Variants in INVS observed in about 807,000 individuals in gnomAD.
The protein encoded by INVS is inversion of embryo turning homolog.
In INVS, 86 loss-of-function variants were observed where a neutral mutation model predicts 108.8. The ratio of observed to expected loss-of-function variants is 0.79; its 90% CI spans 0.66 to 0.95. The LOEUF is 0.95. Ranked by LOEUF, INVS falls within the 40% of genes least tolerant of loss-of-function variation. INVS has a pLI of 0.00. For synonymous variants in INVS, 455 were observed against 473.5 expected, an observed-to-expected ratio of 0.96 and a Z score of 0.51; for missense variants, 1,169 against 1,297.4, an observed-to-expected ratio of 0.90 and a Z score of 1.52.
chr9:100,124,558 A>C (rs1427132305), intron 2 of INVS, among the ~76,000 whole-genome samples: 2 of 151,396 alleles, frequency 1.3e-5, no homozygotes, highest in Admixed American at 6.6e-5. Context: ...AAAAAAAAAA[A>C]AAAACTAAAG....
At chr9:100,124,441 G>A (rs1038535476) in intron 2 of INVS, among the ~76,000 whole-genome samples, 1 of 151,550 alleles carries the variant, frequency 6.6e-6, no homozygotes, top group Non-Finnish European at 1.5e-5. Context: ...AAGAGGATAA[G>A]CCAGGCATGC....
intron 10 of INVS, among the ~76,000 whole-genome samples, chr9:100,259,155 C>T (rs953196613): frequency 6.6e-6 from 1 of 152,184 alleles, no homozygotes; most frequent in East Asian, 1.9e-4. Context: ...TGCTGCCTTG[C>T]AGTTCGATCT....
chr9:100,187,521 A>ATTTTTTTTTTTT (rs1830087780), intron 3 of INVS, among the ~76,000 whole-genome samples: 8 of 89,418 alleles, frequency 8.9e-5, no homozygotes, highest in African/African-American at 2.4e-4. Flanking sequence ...ATCATCTATG[A>ATTTTTTTTTTTT]TTTCTTTTTT....
At chr9:100,197,514 C>T (rs894246084) in intron 3 of INVS, among the ~76,000 whole-genome samples, 7 of 152,142 alleles carry the variant, frequency 4.6e-5, no homozygotes, top group African/African-American at 1.2e-4. Flanking sequence ...GTGGGGTGCA[C>T]CACCCTCCCA....
chr9:100,246,163 GAAAAAGA>G (rs1832041051), intron 7 of INVS, among the ~76,000 whole-genome samples: 1 of 147,474 alleles, frequency 6.8e-6, no homozygotes, highest in Non-Finnish European at 1.5e-5. Flanking sequence ...AAAAAAAAAA[GAAAAAGA>G]AAAAAGAAAA....
chr9:100,212,572 AC>A (rs1344489959), intron 3 of INVS, among the ~76,000 whole-genome samples: 2 of 151,998 alleles, frequency 1.3e-5, no homozygotes, highest in African/African-American at 4.8e-5. Flanking sequence ...GAAAAAAAAA[AC>A]AGAACTCAAA....
rs577456815 is a variant in INVS, at chr9:100,197,650, A to G, written c.274-28412A>G. Among the ~76,000 whole-genome samples the G allele has an allele frequency of 2.2e-4, 34 of 152,266 alleles. No individual in the cohort carries two copies. In the South Asian group the frequency reaches 2.7e-3, roughly 12 times the overall value. ...AGGCATGATTAACAACCATGTAGAA[A>G]TGTGATTGGGCCAAAAAGGTGTGAT... is the stretch of plus-strand genomic sequence containing the variant. On this transcript the variant is annotated intron_variant, in intron 3 of 16. Coordinates refer to ENST00000262457, the MANE Select transcript of INVS (RefSeq NM_014425.5).
intron 2 of INVS, among the ~76,000 whole-genome samples, chr9:100,111,336 G>A (rs764720863): frequency 1.3e-5 from 2 of 152,206 alleles, no homozygotes; most frequent in Non-Finnish European, 2.9e-5. Flanking sequence ...TAGAGTTGGC[G>A]CTCTGGTTTC....
At chr9:100,246,849 A>T in intron 8 of INVS, 62 bp downstream of exon 8, 1 of 1,439,058 alleles carries the variant, frequency 6.9e-7, no homozygotes. Context: ...AGATGTTGCT[A>T]TAAAATTTGT....
intron 3 of INVS, among the ~76,000 whole-genome samples, chr9:100,148,113 G>T (rs533927933): frequency 6.6e-6 from 1 of 151,996 alleles, no homozygotes; most frequent in African/African-American, 2.4e-5. Flanking sequence ...GTTTGAGGCT[G>T]TAGTGAGCTA....
At chr9:100,148,521 A>G (rs1828702492) in intron 3 of INVS, among the ~76,000 whole-genome samples, 2 of 152,312 alleles carry the variant, frequency 1.3e-5, no homozygotes, top group South Asian at 4.1e-4. Flanking sequence ...AAAGGATATA[A>G]TGCCATAGGC....
chr9:100,214,307 G>A (rs1033696970), intron 3 of INVS, among the ~76,000 whole-genome samples: 5 of 152,120 alleles, frequency 3.3e-5, no homozygotes, highest in African/African-American at 1.2e-4. Flanking sequence ...CTTTGGCCTC[G>A]TTGCAGATAG....
At chr9:100,242,465 T>C (rs1831908368) in intron 6 of INVS, 105 bp from the exon 7 acceptor site, 1 of 712,868 alleles carries the variant, frequency 1.4e-6, no homozygotes, top group East Asian at 2.8e-5. Context: ...CCGTTGTGAA[T>C]GCTGTATTAT....
rs1437848251 is a variant in INVS, at chr9:100,264,935, T to C, written c.1571+7T>C. 1 of 1,594,210 alleles carries C rather than the reference T, an allele frequency of 6.3e-7. No individual in the cohort carries two copies. The highest frequency in any genetic ancestry group is 1.7e-5 in the Admixed American group (1 of 59,904). On this transcript the variant is annotated splice_region_variant and intron_variant, in intron 11 of 16. Transcript: ENST00000262457. The stretch of plus-strand genomic sequence containing the variant: ...TGGAAAACAATGAAGAGAGGTAAGT[T>C]GTTGTTGACTTTTTTTTTTTTTTTT...
At chr9:100,279,254 G>A (rs1833205500) in intron 12 of INVS, among the ~76,000 whole-genome samples, 1 of 152,154 alleles carries the variant, frequency 6.6e-6, no homozygotes, top group African/African-American at 2.4e-5. Flanking sequence ...ATGTGGAGAT[G>A]GGCACACAAA....
chr9:100,229,863 T>G, intron 5 of INVS, 36 bp downstream of exon 5: 1 of 1,603,608 alleles, frequency 6.2e-7, no homozygotes, highest in Non-Finnish European at 8.5e-7. Flanking sequence ...TGAATGGCCT[T>G]GAAATTTTTT....
At position 100,117,709 on chromosome 9, in the gene INVS, T is replaced by G. The variant is rs1306012236; in HGVS notation, c.107-8674T>G. On this transcript the variant is annotated intron_variant, in intron 2 of 16. Coordinates refer to ENST00000262457, the MANE Select transcript of INVS (RefSeq NM_014425.5). ...GTTTTAGATTTAAGTTTATGATACG[T>G]TTTGAGGTAATTTTTATATATGGTG... 6.9e-6 allele frequency: 4 copies of G among 578,284 alleles called. No individual in the cohort carries two copies. The East Asian group carries it at 1.1e-4, about 17-fold the overall frequency. 35.8% of individuals were successfully genotyped at this position (578,284 alleles called of 1,614,324 possible). A position where few individuals can be genotyped will look rare whatever the true frequency, so the allele number is the denominator to read the frequency against.
intron 3 of INVS, among the ~76,000 whole-genome samples, chr9:100,212,921 G>A (rs1251853098): frequency 1.3e-5 from 2 of 152,060 alleles, no homozygotes; most frequent in African/African-American, 4.8e-5. Flanking sequence ...CTGGATGGCT[G>A]GAACAACAGA....
At position 100,231,676 on chromosome 9, in the gene INVS, C is replaced by T. The variant is rs575735440; in HGVS notation, c.615+1849C>T. Among the ~76,000 whole-genome samples the T allele has an allele frequency of 1.3e-4, 20 of 152,236 alleles. No individual in the cohort carries two copies. In the South Asian group the frequency reaches 3.1e-3, roughly 24 times the overall value. On this transcript the variant is annotated intron_variant, in intron 5 of 16. Coordinates refer to ENST00000262457, the MANE Select transcript of INVS (RefSeq NM_014425.5). The stretch of plus-strand genomic sequence containing the variant: ...GCTTCAACCATCTCCCTGCAAAGAA[C>T]ATGAACTCATTCTTTTTTATGGCTG...
Sources: allele counts gnomAD v4.1 joint callset (sites outside exome capture counted in the v4.1 genomes callset), GRCh38; gene constraint gnomAD v4.1.1; transcripts MANE v1.5; gene names NCBI Gene and HGNC (gene_info 2026-07-23, HGNC 2026-07-21).